RAD50: variants seen among roughly 807,000 people sequenced by gnomAD.
RAD50 encodes DNA repair protein RAD50.
Under a neutral mutation model 168.8 loss-of-function variants are expected in RAD50, and 132 were observed. The observed-to-expected ratio is 0.78, with a 90% CI of 0.68 to 0.90. The LOEUF (loss-of-function observed/expected upper bound fraction) is 0.90, where lower values mean the gene tolerates loss of function less well. Among genes scored for constraint, RAD50 ranks in the 40% least tolerant of loss-of-function variants. The probability of loss-of-function intolerance (pLI) is 0.00; values close to 1 mark genes in which losing one functional copy is unlikely to be tolerated. For missense variants in RAD50, 1,347 were observed against 1,534.4 expected, an observed-to-expected ratio of 0.88 and a Z score of 2.04; for synonymous variants, 525 against 497.4, an observed-to-expected ratio of 1.06 and a Z score of -0.74.
rs769479891 is a variant in RAD50 at position 132,579,447 on chromosome 5, T to G, written c.496T>G (p.Leu166Val). ...TCATCAAGAAGATTCTAATTGGCCT[T>G]TAAGTGAAGGAAAGGCTTTGAAGCA... ...FCHQEDSNWP[L>V]SEGKALKQKF... is the part of the protein sequence containing the mutation. Residue 166 changes from leucine to valine, a missense_variant, in exon 4 of 25, where the codon TTA becomes GTA. This residue lies in a region of RAD50 where 703 missense variants were observed against 767.7 expected (regional missense o/e 0.92). Coordinates refer to ENST00000378823, the MANE Select transcript of RAD50 (RefSeq NM_005732.4). 29 of 1,614,066 alleles carry G rather than the reference T, an allele frequency of 1.8e-5. No individual in the cohort carries two copies. The highest frequency in any genetic ancestry group is 2.5e-5 in the Non-Finnish European group (29 of 1,179,940).
intron 21 of RAD50, among the ~76,000 whole-genome samples, chr5:132,631,431 G>A (rs1751463641): frequency 1.3e-5 from 2 of 151,968 alleles, no homozygotes; most frequent in Admixed American, 1.3e-4. Context: ...CTCACTTTAA[G>A]AGCCAGTTTT....
intron 21 of RAD50, among the ~76,000 whole-genome samples, chr5:132,627,026 A>C (rs1198035448): frequency 6.6e-6 from 1 of 152,124 alleles, no homozygotes; most frequent in East Asian, 1.9e-4. Flanking sequence ...GATTACAGGC[A>C]TGTGCTACCA....
intron 3 of RAD50, among the ~76,000 whole-genome samples, chr5:132,576,566 T>C (rs573552045): frequency 1.3e-5 from 2 of 152,368 alleles, no homozygotes; most frequent in East Asian, 3.9e-4. Flanking sequence ...ACATCTACTA[T>C]GTGCTGGAGG....
Position 132,590,279 on chromosome 5 carries a change from A to G in RAD50, c.1452+442A>G, listed in dbSNP as rs574152413. On this transcript the variant is annotated intron_variant, in intron 9 of 24. Coordinates refer to ENST00000378823, the MANE Select transcript of RAD50 (RefSeq NM_005732.4). ...GAGGTCAGGAGTTCAAGACCTGTCCAGCCAACATGGTGAAACCCCGTCTCT... is the reference window on the plus strand; with the variant it reads ...GAGGTCAGGAGTTCAAGACCTGTCCGGCCAACATGGTGAAACCCCGTCTCT... Among the ~76,000 whole-genome samples, 5 of 152,212 alleles carry G rather than the reference A, an allele frequency of 3.3e-5. No individual in the cohort carries two copies. In the South Asian group the frequency reaches 1.0e-3, roughly 32 times the overall value.
At chr5:132,626,610 C>G (rs1751376382) in intron 21 of RAD50, among the ~76,000 whole-genome samples, 1 of 152,136 alleles carries the variant, frequency 6.6e-6, no homozygotes, top group Non-Finnish European at 1.5e-5. Flanking sequence ...CACTAAAGAA[C>G]TAAATTCATT....
chr5:132,579,780 TG>T, intron 4 of RAD50, 81 bp from the exon 5 acceptor site: 1 of 1,195,588 alleles, frequency 8.4e-7, no homozygotes, highest in Non-Finnish European at 1.2e-6. Context: ...GTAATCTTAG[TG>T]ACAGCATAAT....
At chr5:132,594,435 G>A (rs1162820371) in intron 11 of RAD50, among the ~76,000 whole-genome samples, 2 of 152,168 alleles carry the variant, frequency 1.3e-5, no homozygotes, top group Admixed American at 6.5e-5. Flanking sequence ...GACGCAAGTG[G>A]ATGACAGCAA....
rs763101812 is a variant in RAD50 at position 132,642,372 on chromosome 5, C to CAAGA, written c.*9_*12dup. 6.2e-7 allele frequency: 1 copy of CAAGA among 1,609,586 alleles called. No individual in the cohort carries two copies. The highest frequency in any genetic ancestry group is 8.5e-7 in the Non-Finnish European group (1 of 1,176,086). ...GGATTCAATGTTCATTAAAAATATC[C>CAAGA]AAGATTTAAATGCCATAGAAATGTA... On this transcript the variant is annotated 3_prime_UTR_variant, in exon 25 of 25. Transcript: ENST00000378823.
At chr5:132,595,876 C>T in intron 13 of RAD50, 66 bp downstream of exon 13, 3 of 1,427,172 alleles carry the variant, frequency 2.1e-6, no homozygotes, top group Non-Finnish European at 2.9e-6. Context: ...CATCTCATGC[C>T]TGGGCAGATG....
intron 20 of RAD50, 29 bp from the exon 21 acceptor site, chr5:132,618,041 T>G (rs1207820260): frequency 6.3e-7 from 1 of 1,577,786 alleles, no homozygotes; most frequent in Non-Finnish European, 8.7e-7. Context: ...TAAAAAATGG[T>G]CCTCATTTGT....
Position 132,587,624 on chromosome 5 carries a change from A to C in RAD50, c.819A>C (p.Lys273Asn). Residue 273 changes from lysine to asparagine, a missense_variant, in exon 6 of 25, where the codon AAA (lysine) becomes AAC (asparagine). Coordinates refer to ENST00000378823, the MANE Select transcript of RAD50 (RefSeq NM_005732.4). ...SKIMKLDNEIKALDSRKKQME... is the reference protein window; with the variant it reads ...SKIMKLDNEINALDSRKKQME... ...TAATGAAACTTGACAATGAAATTAA[A>C]GCCTTGGATAGCCGAAAGAAGCAAA... 1.2e-6 allele frequency: 2 copies of C among 1,613,830 alleles called. No individual in the cohort carries two copies. Among genetic ancestry groups the C allele is most frequent in the Non-Finnish European group, 1.7e-6 (2 of 1,179,874 alleles).
chr5:132,578,005 G>A (rs2149837102), intron 3 of RAD50, among the ~76,000 whole-genome samples: 1 of 151,924 alleles, frequency 6.6e-6, no homozygotes, highest in East Asian at 1.9e-4. Context: ...AGTAGAGATG[G>A]GGTTTCACCA....
rs777678214 is a variant in RAD50 at position 132,595,686 on chromosome 5, C to G, written c.2083C>G (p.Gln695Glu). 4 of 1,613,812 alleles carry G rather than the reference C, an allele frequency of 2.5e-6. No homozygotes were observed. The South Asian group carries it at 4.4e-5, about 18-fold the overall frequency. Residue 695 changes from glutamine (Q) to glutamate (E), a missense_variant, in exon 13 of 25, where the codon CAA becomes GAA. Gln to Glu is a conservative substitution (Grantham distance 29). Transcript: ENST00000378823. ...QRVFQTEAEL[Q>E]EVISDLQSKL... ...AGTTTTTCAGACAGAGGCTGAGTTA[C>G]AAGAAGTCATCAGTGATTTGCAGTC... is the stretch of plus-strand genomic sequence containing the variant.
At position 132,638,222 on chromosome 5, in the gene RAD50, A is replaced by G; in HGVS notation, c.3617A>G (p.Lys1206Arg). ...CGAGGACGATGCAGTGCTGGACAAA[A>G]GGCAGGTATCTCAAAAGCCTGGGGA... ...DMRGRCSAGQKVLASLIIRLA... is the reference protein window; with the variant it reads ...DMRGRCSAGQRVLASLIIRLA... The change falls in exon 23 of 25, where the codon AAG (lysine) becomes AGG (arginine). Residue 1206 changes from lysine to arginine, a missense_variant and splice_region_variant. Physicochemically the swap from Lys to Arg is conservative, Grantham distance 26. Coordinates refer to ENST00000378823, the MANE Select transcript of RAD50 (RefSeq NM_005732.4). The G allele has an allele frequency of 8.1e-6, 13 of 1,614,164 alleles. No individual in the cohort carries two copies. The highest frequency in any genetic ancestry group is 1.1e-5 in the Non-Finnish European group (13 of 1,179,990).
intron 21 of RAD50, among the ~76,000 whole-genome samples, chr5:132,624,657 G>A (rs776082187): frequency 2.0e-5 from 3 of 152,008 alleles, no homozygotes; most frequent in Non-Finnish European, 4.4e-5. Flanking sequence ...CTAGCACTTT[G>A]GGAGTCCAAA....
At chr5:132,592,703 G>T (rs1322745289) in intron 11 of RAD50, 2 of 397,240 alleles carry the variant, frequency 5.0e-6, no homozygotes, top group Admixed American at 5.2e-5. Flanking sequence ...GTCTGCTTTT[G>T]CTTTGACTGG....
At chr5:132,576,054 T>C (rs1750393877) in intron 3 of RAD50, 126 bp downstream of exon 3, 5 of 1,025,264 alleles carry the variant, frequency 4.9e-6, no homozygotes, top group South Asian at 2.0e-5. Flanking sequence ...CTTTAGACTT[T>C]ATTTTTTTAG....
At chr5:132,597,951 C>T (rs2706371) in intron 13 of RAD50, among the ~76,000 whole-genome samples, 4,552 of 151,712 alleles carry the variant, frequency 0.03, 231 homozygotes, top group African/African-American at 0.1. Context: ...AGAAAGTACA[C>T]GTAGTAGAAA....
intron 19 of RAD50, among the ~76,000 whole-genome samples, chr5:132,611,435 G>A (rs980746711): frequency 1.3e-5 from 2 of 151,560 alleles, no homozygotes; most frequent in Non-Finnish European, 2.9e-5. Context: ...GCCAGGCGTG[G>A]TGGCTCACGC....
Sources: gnomAD v4.1 joint callset for allele counts (sites outside exome capture counted in the v4.1 genomes callset) on GRCh38, gnomAD v4.1.1 for gene constraint, gnomAD v4.1.1 regional missense constraint, MANE v1.5 for transcripts, NCBI Gene and HGNC (gene_info 2026-07-23, HGNC 2026-07-21) for gene names.